NOS2: variants seen among roughly 807,000 people sequenced by gnomAD.
NOS2 encodes the protein nitric oxide synthase, inducible.
A neutral mutation model predicts 136.0 loss-of-function variants in NOS2; 96 were observed. The ratio of observed to expected loss-of-function variants is 0.71; its 90% CI spans 0.60 to 0.84. NOS2 has a LOEUF of 0.84. Among genes scored for constraint, NOS2 ranks in the 40% least tolerant of loss-of-function variants. The pLI, the probability that NOS2 is intolerant of heterozygous loss-of-function variation, is 0.00. For synonymous variants in NOS2, 539 were observed against 587.5 expected, an observed-to-expected ratio of 0.92 and a Z score of 1.20; for missense variants, 1,237 against 1,496.9, an observed-to-expected ratio of 0.83 and a Z score of 2.87.
At chr17:27,775,435 TA>T (rs1376618396) in intron 11 of NOS2, among the ~76,000 whole-genome samples, 2 of 152,002 alleles carry the variant, frequency 1.3e-5, no homozygotes, top group Admixed American at 1.3e-4. Context: ...CCGTCTCTAC[TA>T]AAAAATATAA....
rs150367182 is a variant in NOS2 at position 27,789,686 on chromosome 17, G to C, written c.113C>G (p.Pro38Arg). 4.5e-5 allele frequency: 72 copies of C among 1,612,942 alleles called. No homozygotes were observed. In the African/African-American group the frequency reaches 8.9e-4, roughly 20 times the overall value. Residue 38 changes from proline to arginine, a missense_variant and splice_region_variant, in exon 3 of 27, where the codon CCA becomes CGA. Pro to Arg is a moderately radical substitution (Grantham distance 103). This residue lies in a region of NOS2 where 440 missense variants were observed against 545.4 expected (regional missense o/e 0.81). Coordinates refer to ENST00000313735, the MANE Select transcript of NOS2 (RefSeq NM_000625.4). ...ATACTGAAGGTCATCCTGTGTCACT[G>C]GACTGTGAAAGGAAACAGCTAGCAT... is the stretch of plus-strand genomic sequence containing the variant. ...VEKAPCATSS[P>R]VTQDDLQYHN... is the part of the protein sequence containing the mutation.
Position 27,774,510 on chromosome 17 carries a change from C to A in NOS2, c.1282-59G>T, listed in dbSNP as rs1229855010. 3 of 1,317,638 alleles carry A rather than the reference C, an allele frequency of 2.3e-6. No homozygotes were observed. In the East Asian group the frequency reaches 8.4e-5, roughly 37 times the overall value. The allele number at this position is 1,317,638 out of a possible 1,614,324, so 81.6% of individuals were successfully genotyped here. ...AGGGTGGGGGAATCAGGAGAGGGGCCGGTTGGCCGCAGGGCTCCCAGAGAG... is the reference window on the plus strand; with the variant it reads ...AGGGTGGGGGAATCAGGAGAGGGGCAGGTTGGCCGCAGGGCTCCCAGAGAG... On this transcript the variant is annotated intron_variant, in intron 11 of 26. Transcript: ENST00000313735.
At chr17:27,791,550 C>T (rs918033011) in intron 2 of NOS2, among the ~76,000 whole-genome samples, 2 of 152,042 alleles carry the variant, frequency 1.3e-5, no homozygotes, top group African/African-American at 4.8e-5. Context: ...AATTTTCCAT[C>T]CACAGACCCC....
Position 27,764,097 on chromosome 17 carries a change from G to A in NOS2, c.2476C>T (p.Gln826Ter), listed in dbSNP as rs200436931. The A allele has an allele frequency of 1.2e-6, 2 of 1,605,218 alleles. No homozygotes were observed. The highest frequency in any genetic ancestry group is 1.3e-5 in the African/African-American group (1 of 74,304). The change falls in exon 21 of 27, where the codon CAG becomes TAG. Residue 826 changes from glutamine to a stop codon, truncating the protein, a stop_gained. Coordinates refer to ENST00000313735, the MANE Select transcript of NOS2 (RefSeq NM_000625.4). LOFTEE classifies it high-confidence loss of function. ...ATGTCCAGGAAGTAGGTGAGGGCCT[G>A]GCTGAGTGAGCAGGGGGGCAGCCTC... ...DKRLPPCSLS[Q>*]ALTYFLDITT...
chr17:27,798,788 G>T lies in NOS2; in HGVS notation c.22C>A (p.Leu8Met), dbSNP rs760459361. Reference sequence around the variant, plus strand: ...TACTGGTGGAATTTGGTCTTGAACAGAAATTTCCAAGGACAGGCCATCTCT... The same window carrying T: ...TACTGGTGGAATTTGGTCTTGAACATAAATTTCCAAGGACAGGCCATCTCT... MACPWKF[L>M]FKTKFHQYAM... is the part of the protein sequence containing the mutation. Residue 8 changes from leucine to methionine, a missense_variant, in exon 2 of 27, where the codon CTG becomes ATG. Around this residue, in one of 3 missense-constraint regions of NOS2, gnomAD observed 440 missense variants for 545.4 expected, o/e 0.81. Transcript: ENST00000313735. 6.2e-7 allele frequency: 1 copy of T among 1,612,964 alleles called. No homozygotes were observed. The highest frequency in any genetic ancestry group is 1.1e-5 in the South Asian group (1 of 91,054).
Position 27,774,379 on chromosome 17 carries a change from G to A in NOS2, c.1354C>T (p.Arg452Trp), listed in dbSNP as rs137979503. 1.6e-4 allele frequency: 252 copies of A among 1,581,618 alleles called. No individual in the cohort carries two copies. The highest frequency in any genetic ancestry group is 2.0e-4 in the Non-Finnish European group (236 of 1,163,844). The change falls in exon 12 of 27, where the codon CGG becomes TGG. Residue 452 changes from arginine (R) to tryptophan (W), a missense_variant. This residue lies in a region of NOS2 where 782 missense variants were observed against 909.9 expected (regional missense o/e 0.86). Transcript: ENST00000313735. ...TCTGCCGGGCAGCCCCCACGGGACC[G>A]GTATTCATTCTGCATGTACTTCATG... Reference protein sequence around the residue: ...SFMKYMQNEYRSRGGCPADWI... With the variant: ...SFMKYMQNEYWSRGGCPADWI...
At chr17:27,760,766 G>A in intron 23 of NOS2, 22 bp from the exon 24 acceptor site, 3 of 1,546,806 alleles carry the variant, frequency 1.9e-6, no homozygotes, top group Non-Finnish European at 2.6e-6. Context: ...AGGAGAAGAG[G>A]GGGCCAGTCC....
Position 27,769,517 on chromosome 17 carries a change from C to A in NOS2, c.1859+18G>T. 4.3e-6 allele frequency: 7 copies of A among 1,610,720 alleles called. No homozygotes were observed. Among genetic ancestry groups the A allele is most frequent in the Non-Finnish European group, 5.1e-6 (6 of 1,177,536 alleles). On this transcript the variant is annotated intron_variant, in intron 16 of 26. Transcript: ENST00000313735. ...CCACAGGGCAGGGCTAGGAGTAGGA[C>A]AACGGAAAAAGCTTTACCTGAATTT...
intron 14 of NOS2, among the ~76,000 whole-genome samples, chr17:27,771,543 G>A (rs1461298209): frequency 2.6e-5 from 4 of 152,236 alleles, no homozygotes; most frequent in East Asian, 3.9e-4. Context: ...CAACCTGGCC[G>A]ACCTGGTCAT....
intron 20 of NOS2, 49 bp downstream of exon 20, chr17:27,765,486 G>A (rs763323158): frequency 2.7e-5 from 40 of 1,505,800 alleles, no homozygotes; most frequent in Middle Eastern, 2.5e-4. Context: ...AGCCAGGTGG[G>A]GCGGCCAGAG....
intron 5 of NOS2, among the ~76,000 whole-genome samples, chr17:27,785,212 T>C (rs980949831): frequency 6.6e-5 from 10 of 152,072 alleles, no homozygotes; most frequent in Non-Finnish European, 1.2e-4. Context: ...GTCTGTAAGA[T>C]GAGGATAACA....
At position 27,798,709 on chromosome 17, in the gene NOS2, G is replaced by T; in HGVS notation, c.101C>A (p.Ala34Asp). ...CCCAGGGAAAACTCACCTGGAGGTGGCACAGGGGGCTTTCTCCACATTGTT... is the reference window on the plus strand; with the variant it reads ...CCCAGGGAAAACTCACCTGGAGGTGTCACAGGGGGCTTTCTCCACATTGTT... Reference protein sequence around the residue: ...INNNVEKAPCATSSPVTQDDL... With the variant: ...INNNVEKAPCDTSSPVTQDDL... Residue 34 changes from alanine (A) to aspartate (D), a missense_variant, in exon 2 of 27, where the codon GCC (alanine) becomes GAC (aspartate). This residue lies in a region of NOS2 where 440 missense variants were observed against 545.4 expected (regional missense o/e 0.81). Coordinates refer to ENST00000313735, the MANE Select transcript of NOS2 (RefSeq NM_000625.4). 1 of 1,609,308 alleles carries T rather than the reference G, an allele frequency of 6.2e-7. No individual in the cohort carries two copies. The highest frequency in any genetic ancestry group is 8.5e-7 in the Non-Finnish European group (1 of 1,175,558).
At chr17:27,785,977 A>G (rs1470035647) in intron 5 of NOS2, among the ~76,000 whole-genome samples, 2 of 148,932 alleles carry the variant, frequency 1.3e-5, no homozygotes, top group African/African-American at 4.9e-5. Flanking sequence ...AAAAAAAAAA[A>G]AAAAAAGACA....
chr17:27,789,129 T>C (rs1909113473), intron 3 of NOS2, among the ~76,000 whole-genome samples, 198 bp from the exon 4 acceptor site: 1 of 151,962 alleles, frequency 6.6e-6, no homozygotes, highest in Non-Finnish European at 1.5e-5. Flanking sequence ...CTGGCCAGGG[T>C]CCTCTCCTCA....
At chr17:27,797,380 C>T (rs529442828) in intron 2 of NOS2, among the ~76,000 whole-genome samples, 23 of 152,394 alleles carry the variant, frequency 1.5e-4, no homozygotes, top group African/African-American at 5.3e-4. Context: ...AGCTCATTTA[C>T]TCCTTCCTCC....
At chr17:27,778,050 A>G (rs1342314175) in intron 11 of NOS2, among the ~76,000 whole-genome samples, 3 of 151,120 alleles carry the variant, frequency 2.0e-5, no homozygotes, top group African/African-American at 7.3e-5. Context: ...AAAAAAAAGG[A>G]AAAGAAAGAA....
intron 22 of NOS2, among the ~76,000 whole-genome samples, chr17:27,762,585 C>T (rs768440568): frequency 1.3e-5 from 2 of 152,192 alleles, no homozygotes; most frequent in Non-Finnish European, 2.9e-5. Flanking sequence ...GTGCCTACCC[C>T]ACAATGTAAC....
rs201526410 is a variant in NOS2 at position 27,757,250 on chromosome 17, A to G, written c.3458T>C (p.Leu1153Pro). 20 of 1,613,624 alleles carry G rather than the reference A, an allele frequency of 1.2e-5. No homozygotes were observed. The highest frequency in any genetic ancestry group is 1.6e-5 in the Non-Finnish European group (19 of 1,179,762). Reference protein sequence around the residue: ...VQPSSLEMSAL With the variant: ...VQPSSLEMSAP ...TTTAACCCCTCCTGTAGGCCCTCAG[A>G]GCGCTGACATCTCCAGGCTGCTGGG... is the stretch of plus-strand genomic sequence containing the variant. Residue 1153 changes from leucine (L) to proline (P), a missense_variant, in exon 27 of 27, where the codon CTC becomes CCC. Physicochemically the swap from Leu to Pro is moderately conservative, Grantham distance 98. Transcript: ENST00000313735.
At position 27,782,004 on chromosome 17, in the gene NOS2, T is replaced by C. The variant is rs3729508; in HGVS notation, c.722+11A>G. 0.61 allele frequency: 988,678 copies of C among 1,611,480 alleles called. 307,006 individuals carry two copies. The highest frequency in any genetic ancestry group is 0.81 in the African/African-American group (60,317 of 74,914). ...CAAGCCCCTCTGCAGCCCTGGGAAA[T>C]GTGCACCGACCTGATGTTGCCATTG... On this transcript the variant is annotated intron_variant, in intron 7 of 26. Coordinates refer to ENST00000313735, the MANE Select transcript of NOS2 (RefSeq NM_000625.4).
Sources: gnomAD v4.1 joint callset for allele counts (sites outside exome capture counted in the v4.1 genomes callset) on GRCh38, gnomAD v4.1.1 for gene constraint, gnomAD v4.1.1 regional missense constraint, MANE v1.5 for transcripts, NCBI Gene and HGNC (gene_info 2026-07-23, HGNC 2026-07-21) for gene names.